The following APTX variants were observed in gnomAD, a reference collection of about 807,000 sequenced individuals.
APTX encodes aprataxin.
In APTX, 33 loss-of-function variants were observed where a neutral mutation model predicts 42.3. That is an observed-to-expected ratio of 0.78 (90% CI 0.59 to 1.04). The LOEUF (loss-of-function observed/expected upper bound fraction) is 1.04. Among genes scored for constraint, APTX ranks in the 50% least tolerant of loss-of-function variants. The pLI, the probability that APTX is intolerant of heterozygous loss-of-function variation, is 0.00. For synonymous variants in APTX, 130 were observed against 146.7 expected (o/e 0.89, Z 0.82); for missense variants, 421 against 415.1 (o/e 1.01, Z -0.12).
At chr9:33,005,062 TTGTA>T (rs1587628223), upstream of APTX, among the ~76,000 whole-genome samples, 1 of 152,214 alleles carries the variant, frequency 6.6e-6, no homozygotes, top group East Asian at 1.9e-4. Context: ...TCCTGTCTAT[TTGTA>T]TGTATTTGGA....
intron 1 of APTX, among the ~76,000 whole-genome samples, chr9:33,014,942 C>T (rs1297657751): frequency 2.0e-5 from 3 of 152,210 alleles, no homozygotes; most frequent in African/African-American, 7.2e-5. Context: ...CTCCAGAGTA[C>T]TGGATTGATG....
intron 1 of APTX, among the ~76,000 whole-genome samples, chr9:33,024,035 A>G (rs1230370633): frequency 6.6e-6 from 1 of 152,210 alleles, no homozygotes; most frequent in East Asian, 1.9e-4. Flanking sequence ...CCACTTTCCC[A>G]AAGAAATTCT....
At chr9:32,977,588 T>TG (rs970707076) in intron 6 of APTX, among the ~76,000 whole-genome samples, 7 of 150,978 alleles carry the variant, frequency 4.6e-5, no homozygotes, top group Admixed American at 1.3e-4. Context: ...CCCAGTACTT[T>TG]GGGGGGCCAA....
At chr9:33,023,686 G>C (rs1423586865) in intron 1 of APTX, among the ~76,000 whole-genome samples, 1 of 152,252 alleles carries the variant, frequency 6.6e-6, no homozygotes, top group Non-Finnish European at 1.5e-5. Flanking sequence ...CAATGCAAAA[G>C]CATACAAAGG....
intron 6 of APTX, among the ~76,000 whole-genome samples, chr9:32,978,977 T>C (rs1587383062): frequency 6.6e-6 from 1 of 152,380 alleles, no homozygotes; most frequent in Middle Eastern, 3.4e-3. Context: ...ATATAACTTA[T>C]GTTTTGCTAA....
At chr9:33,002,766 TTTTC>T (rs1292089777), upstream of APTX, among the ~76,000 whole-genome samples, 2 of 152,208 alleles carry the variant, frequency 1.3e-5, no homozygotes, top group African/African-American at 2.4e-5. Flanking sequence ...TTGAATAATC[TTTTC>T]TTTAACAAAA....
chr9:32,999,839 G>T (rs1445378480), intron 1 of APTX, among the ~76,000 whole-genome samples: 1 of 152,194 alleles, frequency 6.6e-6, no homozygotes, highest in Non-Finnish European at 1.5e-5. Context: ...AGCCGGGCGT[G>T]GTGGTAGACG....
Position 32,973,752 on chromosome 9 carries a change from T to C in APTX, c.875-100A>G, listed in dbSNP as rs1828641633. 2.0e-6 allele frequency: 3 copies of C among 1,475,974 alleles called. No homozygotes were observed. In the East Asian group the frequency reaches 6.8e-5, roughly 33 times the overall value. 91.4% of individuals were successfully genotyped at this position (1,475,974 alleles called of 1,614,324 possible). On this transcript the variant is annotated intron_variant, in intron 7 of 7. Transcript: ENST00000379817. ...AAATCAAAAACGTGACTCCAATCAG[T>C]ATGCCAGGCCAGGTATTCTACAGCT...
upstream of APTX, among the ~76,000 whole-genome samples, chr9:33,003,853 T>C (rs183918875): frequency 2.0e-5 from 3 of 152,364 alleles, no homozygotes; most frequent in African/African-American, 7.2e-5. Flanking sequence ...TTTTTAAAGC[T>C]GAATAACACT....
At chr9:32,993,637 C>T (rs1389832769) in intron 1 of APTX, among the ~76,000 whole-genome samples, 1 of 151,978 alleles carries the variant, frequency 6.6e-6, no homozygotes, top group Middle Eastern at 3.2e-3. Flanking sequence ...CGATGGAATG[C>T]TCTGTTCCTC....
In APTX at chr9:33,001,547, T is replaced by C; in HGVS notation, c.-5+20A>G. ...CATTGAGCCCAGCCAGCAGAAGAGA[T>C]AGGCTGACGACCGCCTTACCTCCAG... On this transcript the variant is annotated intron_variant, in intron 1 of 7. Transcript: ENST00000379817. The C allele has an allele frequency of 2.5e-6, 4 of 1,613,630 alleles. No individual in the cohort carries two copies. The highest frequency in any genetic ancestry group is 3.4e-6 in the Non-Finnish European group (4 of 1,179,978).
rs5897530 is a variant in APTX, at chr9:32,985,326, GTTTTTTTTTTTT to G, written c.544-481_544-470del. ...CAAAGGCTCCTCAAGGATGATGCCT[GTTTTTTTTTTTT>G]TTTTTTTTTTTTTGAGATGGAGTTT... On this transcript the variant is annotated intron_variant, in intron 5 of 7. Coordinates refer to ENST00000379817, the MANE Select transcript of APTX (RefSeq NM_001195248.2). Among the ~76,000 whole-genome samples the G allele has an allele frequency of 2.7e-3, 283 of 103,084 alleles. 5 individuals carry two copies. The highest frequency in any genetic ancestry group is 2.4e-3 in the South Asian group (8 of 3,402). The allele number at this position is 103,084 out of a possible 152,430, so 67.6% of individuals were successfully genotyped here.
At position 32,974,477 on chromosome 9, in the gene APTX, T is replaced by A; in HGVS notation, c.855A>T (p.Glu285Asp). Residue 285 changes from glutamate (E) to aspartate (D), a missense_variant, in exon 7 of 8, where the codon GAA becomes GAT. By Grantham distance (45) the Glu-to-Asp change is conservative. Transcript: ENST00000379817. ...NKKHWNSFNT[E>D]YFLESQAVIE... ...GTTTACCTTGTGATTCTAGGAAGTA[T>A]TCTGTATTGAAAGAATTCCAATGTT... The A allele has an allele frequency of 6.3e-7, 1 of 1,593,900 alleles. No individual in the cohort carries two copies. The highest frequency in any genetic ancestry group is 8.6e-7 in the Non-Finnish European group (1 of 1,161,950).
chr9:32,984,723 AT>A lies in APTX; in HGVS notation c.677del (p.His226LeufsTer9). On this transcript the variant is annotated frameshift_variant, in exon 6 of 8. Coordinates refer to ENST00000379817, the MANE Select transcript of APTX (RefSeq NM_001195248.2). LOFTEE classifies it high-confidence loss of function. ...TCACCTTTTCCCCCACAGTGTGCAT[AT>A]GCTTAAGGAGTTCAAGGTGTTCCCT... The part of the protein sequence containing the change: ...VAREHLELLK[H>X]MHTVGEKVIV... 6.2e-7 allele frequency: 1 copy of A among 1,614,186 alleles called. No homozygotes were observed. The highest frequency in any genetic ancestry group is 1.1e-5 in the South Asian group (1 of 91,086).
intron 1 of APTX, among the ~76,000 whole-genome samples, chr9:33,013,017 T>C (rs914490628): frequency 2.0e-5 from 3 of 152,212 alleles, no homozygotes; most frequent in East Asian, 1.9e-4. Context: ...ACAGTCAACA[T>C]TGTTTTACTG....
At chr9:33,004,629 C>CT, upstream of APTX, among the ~76,000 whole-genome samples, 1 of 140,942 alleles carries the variant, frequency 7.1e-6, no homozygotes, top group Admixed American at 7.4e-5. Flanking sequence ...TCTTGCCAAC[C>CT]CTTTTTTTTT....
At chr9:33,019,877 G>T in intron 1 of APTX, 1 of 608,956 alleles carries the variant, frequency 1.6e-6, no homozygotes, top group South Asian at 2.1e-5. Flanking sequence ...GTGGGGTTCG[G>T]CATCTGGAGC....
intron 1 of APTX, among the ~76,000 whole-genome samples, chr9:33,008,370 G>C (rs766998343): frequency 4.0e-5 from 6 of 151,602 alleles, no homozygotes; most frequent in Admixed American, 4.0e-4. Flanking sequence ...ATGATATTAA[G>C]GTTTCATGAT....
intron 1 of APTX, among the ~76,000 whole-genome samples, chr9:32,991,523 C>G (rs1205369528): frequency 1.3e-5 from 2 of 152,106 alleles, no homozygotes; most frequent in East Asian, 3.9e-4. Context: ...GTGTCTCAGG[C>G]CTGTAATCCC....
Sources: gnomAD v4.1 joint callset for allele counts (sites outside exome capture counted in the v4.1 genomes callset) on GRCh38, gnomAD v4.1.1 for gene constraint, MANE v1.5 for transcripts, NCBI Gene and HGNC (gene_info 2026-07-23, HGNC 2026-07-21) for gene names.